Variants in CIMAP2 observed in about 807,000 individuals in gnomAD.
CIMAP2 encodes ciliary microtubule-associated protein 2.
chr1:54,832,680 G>GCT, the CIMAP2 span, among the ~76,000 whole-genome samples: 6 of 152,192 alleles, frequency 3.9e-5, no homozygotes, highest in East Asian at 1.2e-3. Flanking sequence ...ATTCAACTCT[G>GCT]TAAGTTTAAA....
At chr1:54,811,765 G>GGGGGGGGGGGGGGGGCCCCCCC in the CIMAP2 span, 2 of 1,301,332 alleles carry the variant, frequency 1.5e-6, no homozygotes, top group African/African-American at 1.5e-5. Flanking sequence ...GGTTCTGACA[G>GGGGGGGGGGGGGGGGCCCCCCC]CCTCCATGCC....
At chr1:54,806,206 G>T in the CIMAP2 span, 1 of 1,540,306 alleles carries the variant, frequency 6.5e-7, no homozygotes, top group Non-Finnish European at 8.7e-7. Context: ...CGCCCTTCGG[G>T]GTGCAGAGCC....
the CIMAP2 span, among the ~76,000 whole-genome samples, chr1:54,836,162 A>G: frequency 2.0e-5 from 3 of 151,938 alleles, no homozygotes; most frequent in African/African-American, 4.8e-5. Flanking sequence ...GTGTGGCACC[A>G]GGGGAAACTG....
chr1:54,813,811 T>C, the CIMAP2 span: 1 of 1,587,820 alleles, frequency 6.3e-7, no homozygotes, highest in Non-Finnish European at 8.5e-7. Flanking sequence ...CTCTTTTTCT[T>C]AGAAAAAAAA....
At chr1:54,821,155 G>A in the CIMAP2 span, among the ~76,000 whole-genome samples, 4 of 152,098 alleles carry the variant, frequency 2.6e-5, no homozygotes, top group African/African-American at 9.7e-5. Flanking sequence ...TGAATAGTTT[G>A]CAAACATTTT....
the CIMAP2 span, among the ~76,000 whole-genome samples, chr1:54,807,291 G>A: frequency 6.6e-6 from 1 of 152,222 alleles, no homozygotes; most frequent in Non-Finnish European, 1.5e-5. Context: ...CTACCTCTGG[G>A]CTCTTGAAGG....
the CIMAP2 span, chr1:54,811,679 C>A: frequency 3.3e-6 from 4 of 1,209,404 alleles, no homozygotes; most frequent in South Asian, 4.1e-5. Flanking sequence ...CAAGCGGACA[C>A]CCTGAAAATC....
chr1:54,812,657 T>C, the CIMAP2 span, among the ~76,000 whole-genome samples: 1 of 152,146 alleles, frequency 6.6e-6, no homozygotes, highest in Non-Finnish European at 1.5e-5. Context: ...GAGGTAGAAT[T>C]TTGTCTTGGT....
At chr1:54,811,754 T>A in the CIMAP2 span, 2 of 1,362,246 alleles carry the variant, frequency 1.5e-6, no homozygotes, top group Non-Finnish European at 2.1e-6. Context: ...GCACAAGGAG[T>A]GGTTCTGACA....
At chr1:54,818,855 C>A in the CIMAP2 span, among the ~76,000 whole-genome samples, 2 of 152,144 alleles carry the variant, frequency 1.3e-5, no homozygotes, top group Admixed American at 6.5e-5. Flanking sequence ...AGCCTCCCAA[C>A]GTGCTGGGAT....
chr1:54,840,166 A>T, the CIMAP2 span, among the ~76,000 whole-genome samples: 2 of 152,230 alleles, frequency 1.3e-5, no homozygotes, highest in Non-Finnish European at 2.9e-5. Context: ...TCCCACTGCC[A>T]ACCCTGGCAA....
At chr1:54,830,893 T>G in the CIMAP2 span, among the ~76,000 whole-genome samples, 1 of 152,206 alleles carries the variant, frequency 6.6e-6, no homozygotes, top group Admixed American at 6.5e-5. The surrounding 1 kb of genome is among the most constrained non-coding windows in gnomAD (Gnocchi z 4.1). Flanking sequence ...CCAAAATATT[T>G]TTTCTTCCTG....
the CIMAP2 span, chr1:54,806,916 C>T: frequency 7.5e-7 from 1 of 1,338,956 alleles, no homozygotes; most frequent in Non-Finnish European, 1.1e-6. Context: ...GGGCAGCCAA[C>T]TCCCCCATGC....
At chr1:54,841,596 T>G in the CIMAP2 span, 6 of 1,614,036 alleles carry the variant, frequency 3.7e-6, no homozygotes, top group East Asian at 4.5e-5. Context: ...GAGTGTGAAT[T>G]GCTGTAATCC....
At chr1:54,836,400 A>G in the CIMAP2 span, among the ~76,000 whole-genome samples, 1 of 151,146 alleles carries the variant, frequency 6.6e-6, no homozygotes, top group Non-Finnish European at 1.5e-5. Flanking sequence ...AGACTTGAGC[A>G]TATTTCTGGC....
the CIMAP2 span, among the ~76,000 whole-genome samples, chr1:54,836,754 A>G: frequency 6.6e-6 from 1 of 151,884 alleles, no homozygotes; most frequent in Non-Finnish European, 1.5e-5. Context: ...GGGCTGGAAT[A>G]TCCTTAGCCT....
the CIMAP2 span, chr1:54,814,787 G>A: frequency 4.4e-5 from 60 of 1,369,938 alleles, no homozygotes; most frequent in South Asian, 1.2e-4. Context: ...TACCTCCACC[G>A]TCCTTGGCTC....
the CIMAP2 span, chr1:54,811,773 G>GGGGGCGGCCCCGCCCCCCCCC: frequency 7.5e-7 from 1 of 1,325,052 alleles, no homozygotes; most frequent in Non-Finnish European, 1.0e-6. Flanking sequence ...CAGCCTCCAT[G>GGGGGCGGCCCCGCCCCCCCCC]CCCCCACCCC....
At chr1:54,811,765 G>GCCGGGGGGGGGGGGGGGGCCCCC in the CIMAP2 span, 2 of 1,301,322 alleles carry the variant, frequency 1.5e-6, no homozygotes, top group Non-Finnish European at 2.2e-6. Context: ...GGTTCTGACA[G>GCCGGGGGGGGGGGGGGGGCCCCC]CCTCCATGCC....
Sources: gnomAD v4.1 joint callset for allele counts (sites outside exome capture counted in the v4.1 genomes callset) on GRCh38, gnomAD v4.1.1 for gene constraint, Gnocchi (gnomAD v3.1) non-coding constraint, MANE v1.5 for transcripts, NCBI Gene and HGNC (gene_info 2026-07-23, HGNC 2026-07-21) for gene names.